CSRNP3: variants seen among roughly 807,000 people sequenced by gnomAD.
The protein encoded by CSRNP3 is cysteine and serine rich nuclear protein 3, also known as cysteine/serine-rich nuclear protein 3.
In CSRNP3, 12 loss-of-function variants were observed where a neutral mutation model predicts 48.0. The ratio of observed to expected loss-of-function variants is 0.25; its 90% CI spans 0.16 to 0.41. The LOEUF (loss-of-function observed/expected upper bound fraction) is 0.41, where lower values mean the gene tolerates loss of function less well. CSRNP3 is among the 10% of genes least tolerant of loss of function. The pLI is 1.00. For synonymous variants in CSRNP3, 263 were observed against 269.7 expected, an observed-to-expected ratio of 0.98 and a Z score of 0.24; for missense variants, 580 against 724.4, an observed-to-expected ratio of 0.80 and a Z score of 2.29.
chr2:165,551,441 T>C (rs1005007977), intron 3 of CSRNP3, among the ~76,000 whole-genome samples: 2 of 152,214 alleles, frequency 1.3e-5, no homozygotes, highest in Non-Finnish European at 2.9e-5. Flanking sequence ...TGATCTTTCT[T>C]TCTCTGTTGT....
chr2:165,578,980 AG>A (rs1258031705), intron 3 of CSRNP3, among the ~76,000 whole-genome samples: 1 of 152,146 alleles, frequency 6.6e-6, no homozygotes, highest in African/African-American at 2.4e-5. Context: ...CTCTATATCA[AG>A]GGATTTTTAT....
chr2:165,679,246 C>T lies in CSRNP3; in HGVS notation c.1251C>T (p.Ala417=), dbSNP rs149031589. 3.1e-6 allele frequency: 5 copies of T among 1,613,894 alleles called. No individual in the cohort carries two copies. The highest frequency in any genetic ancestry group is 2.7e-5 in the African/African-American group (2 of 74,946). The stretch of plus-strand genomic sequence containing the variant: ...TTCTTTGTTATTCTGATGGCACCGC[C>T]GTTCACGAAAGCCATGCAAAGAATG... ...PSVLCYSDGT[A]VHESHAKNAS... is the part of the protein sequence containing the mutation. Residue 417 remains alanine (A), a synonymous_variant, in exon 7 of 7, where the codon GCC becomes GCT. Coordinates refer to ENST00000651982, the MANE Select transcript of CSRNP3 (RefSeq NM_001172173.2).
chr2:165,678,519 CTT>C (rs1687467011), intron 6 of CSRNP3, among the ~76,000 whole-genome samples, 180 bp from the exon 7 acceptor site: 1 of 152,144 alleles, frequency 6.6e-6, no homozygotes. Context: ...GCAGTTAACT[CTT>C]ATGTTTTAAG....
chr2:165,502,724 C>G (rs556525394), intron 2 of CSRNP3, among the ~76,000 whole-genome samples: 22 of 151,922 alleles, frequency 1.4e-4, no homozygotes, highest in African/African-American at 4.8e-4. Context: ...CTCTCTCCCC[C>G]ACCTGCCACC....
In CSRNP3 at chr2:165,680,006, A is replaced by AGTT; in HGVS notation, c.*255_*257dup. Reference sequence around the variant, plus strand: ...CTAAATTTTAAAATGCATATCTCACAGTTGCCTACCTGTCAAACTGTGTGA... The same window carrying AGTT: ...CTAAATTTTAAAATGCATATCTCACAGTTGTTGCCTACCTGTCAAACTGTGTGA... On this transcript the variant is annotated 3_prime_UTR_variant, in exon 7 of 7. Transcript: ENST00000651982. The AGTT allele has an allele frequency of 2.1e-6, 1 of 477,116 alleles. No homozygotes were observed. The highest frequency in any genetic ancestry group is 3.6e-6 in the Non-Finnish European group (1 of 274,602). The allele number at this position is 477,116 out of a possible 1,614,324, so 29.6% of individuals were successfully genotyped here.
rs2105372748 is a variant in CSRNP3 at position 165,686,844 on chromosome 2, G to C, written c.*7091G>C. On this transcript the variant is annotated 3_prime_UTR_variant, in exon 7 of 7. Transcript: ENST00000651982. The stretch of plus-strand genomic sequence containing the variant: ...TCAAAGATACTCACAATGGCCAACT[G>C]TGTGTGAATACTGGAAAGTTTGAGA... 6.6e-6 allele frequency: 1 copy of C among 152,208 alleles called. No homozygotes were observed. The highest frequency in any genetic ancestry group is 1.9e-4 in the East Asian group (1 of 5,180). 9.4% of individuals were successfully genotyped at this position (152,208 alleles called of 1,614,324 possible).
chr2:165,503,389 T>C lies in CSRNP3; in HGVS notation c.-113+8461T>C, dbSNP rs376727289. Among the ~76,000 whole-genome samples, 124 of 152,050 alleles carry C rather than the reference T, an allele frequency of 8.2e-4. 1 individual carries two copies. The South Asian group carries it at 0.014, about 17-fold the overall frequency. On this transcript the variant is annotated intron_variant, in intron 2 of 6. Coordinates refer to ENST00000651982, the MANE Select transcript of CSRNP3 (RefSeq NM_001172173.2). The stretch of plus-strand genomic sequence containing the variant: ...TATCACATATAGTGTGATCATTGTT[T>C]GTGGTTTTCTTTTTATTACATGCTC...
chr2:165,478,798 A>T (rs1414818273), intron 1 of CSRNP3, among the ~76,000 whole-genome samples: 1 of 152,208 alleles, frequency 6.6e-6, no homozygotes, highest in Non-Finnish European at 1.5e-5. Context: ...TTGTCAGTGT[A>T]TGTAGGTTAC....
intron 2 of CSRNP3, among the ~76,000 whole-genome samples, chr2:165,516,050 C>A (rs1183401243): frequency 6.6e-6 from 1 of 152,060 alleles, no homozygotes; most frequent in Non-Finnish European, 1.5e-5. Context: ...AAATGATCTG[C>A]CCGCCTTGCC....
At chr2:165,659,369 G>C (rs191537230) in intron 5 of CSRNP3, among the ~76,000 whole-genome samples, 6 of 152,218 alleles carry the variant, frequency 3.9e-5, no homozygotes, top group Non-Finnish European at 2.9e-5. Flanking sequence ...GAGATTGTCA[G>C]GAATGACCCC....
At chr2:165,594,006 A>G (rs1176695310) in intron 3 of CSRNP3, among the ~76,000 whole-genome samples, 1 of 152,186 alleles carries the variant, frequency 6.6e-6, no homozygotes, top group African/African-American at 2.4e-5. Flanking sequence ...TACTCTAGGA[A>G]ATTGCCTTCA....
intron 2 of CSRNP3, among the ~76,000 whole-genome samples, chr2:165,508,806 A>G (rs1007598879): frequency 3.9e-5 from 6 of 152,214 alleles, no homozygotes; most frequent in Admixed American, 1.3e-4. Flanking sequence ...TAATAATTTC[A>G]TAATATTACA....
chr2:165,637,727 G>A (rs974341805), intron 4 of CSRNP3, among the ~76,000 whole-genome samples: 4 of 152,146 alleles, frequency 2.6e-5, no homozygotes, highest in African/African-American at 9.7e-5. Flanking sequence ...CTTCAATTCA[G>A]AAAACTATAG....
At chr2:165,475,831 T>A (rs981850517) in intron 1 of CSRNP3, among the ~76,000 whole-genome samples, 1 of 152,214 alleles carries the variant, frequency 6.6e-6, no homozygotes, top group African/African-American at 2.4e-5. Flanking sequence ...AGACTTTTTA[T>A]TGTCCAAACG....
chr2:165,597,395 A>G lies in CSRNP3; in HGVS notation c.148+2182A>G, dbSNP rs143532223. Among the ~76,000 whole-genome samples, 1,299 of 152,252 alleles carry G rather than the reference A, an allele frequency of 8.5e-3. 23 individuals carry two copies. The highest frequency in any genetic ancestry group is 0.03 in the African/African-American group (1,236 of 41,548). ...TAAGATAATGAGAAAGGGAAAGACT[A>G]TTTAAGAAATGGTTATGGTCTTAGG... is the stretch of plus-strand genomic sequence containing the variant. On this transcript the variant is annotated intron_variant, in intron 4 of 6. Coordinates refer to ENST00000651982, the MANE Select transcript of CSRNP3 (RefSeq NM_001172173.2).
At chr2:165,536,705 A>G (rs1239943951) in intron 3 of CSRNP3, among the ~76,000 whole-genome samples, 1 of 151,934 alleles carries the variant, frequency 6.6e-6, no homozygotes, top group African/African-American at 2.4e-5. Flanking sequence ...TGACTCTGCC[A>G]TGGAGAGATA....
intron 3 of CSRNP3, among the ~76,000 whole-genome samples, chr2:165,528,217 A>G (rs748603026): frequency 3.3e-5 from 5 of 152,160 alleles, no homozygotes; most frequent in Non-Finnish European, 7.4e-5. Context: ...TATTTTGGAT[A>G]TTAACTCCCT....
intron 4 of CSRNP3, among the ~76,000 whole-genome samples, chr2:165,645,693 C>T (rs1397976058): frequency 6.6e-6 from 1 of 152,098 alleles, no homozygotes; most frequent in African/African-American, 2.4e-5. Context: ...CTCTTAGCTG[C>T]CCTTATGACC....
chr2:165,526,359 C>T (rs777725724), intron 3 of CSRNP3, among the ~76,000 whole-genome samples: 8 of 151,952 alleles, frequency 5.3e-5, no homozygotes, highest in Non-Finnish European at 1.0e-4. Context: ...ATATTCACTG[C>T]ATATATGATA....
Sources: allele counts gnomAD v4.1 joint callset (sites outside exome capture counted in the v4.1 genomes callset), GRCh38; gene constraint gnomAD v4.1.1; transcripts MANE v1.5; gene names NCBI Gene and HGNC (gene_info 2026-07-23, HGNC 2026-07-21).